Variants in LPAR1 observed in about 807,000 individuals in gnomAD.
LPAR1 encodes the protein LPA receptor 1.
In LPAR1, 5 loss-of-function variants were observed where a neutral mutation model predicts 23.8. The ratio of observed to expected loss-of-function variants is 0.21; its 90% CI spans 0.11 to 0.44. The LOEUF (loss-of-function observed/expected upper bound fraction) is 0.44, where lower values mean the gene tolerates loss of function less well. Ranked by LOEUF, LPAR1 falls within the 20% of genes least tolerant of loss-of-function variation. The probability of loss-of-function intolerance (pLI) is 0.99; values close to 1 mark genes in which losing one functional copy is unlikely to be tolerated. For missense variants in LPAR1, 311 were observed against 482.8 expected (o/e 0.64, Z 3.33); for synonymous variants, 160 against 164.7 (o/e 0.97, Z 0.22).
chr9:110,895,898 A>G (rs1409234529), intron 5 of LPAR1, among the ~76,000 whole-genome samples: 1 of 152,228 alleles, frequency 6.6e-6, no homozygotes, highest in African/African-American at 2.4e-5. Flanking sequence ...GAAGAATGGA[A>G]AGACAGCCTT....
chr9:111,015,776 T>A (rs1026694100), intron 2 of LPAR1, among the ~76,000 whole-genome samples: 8 of 152,060 alleles, frequency 5.3e-5, no homozygotes, highest in African/African-American at 1.9e-4. Context: ...ATAAATAACT[T>A]TTTTTAAAAA....
chr9:110,882,598 C>A (rs747018208), intron 5 of LPAR1, among the ~76,000 whole-genome samples: 2 of 152,088 alleles, frequency 1.3e-5, no homozygotes, highest in Non-Finnish European at 2.9e-5. Flanking sequence ...ACCTGTATTA[C>A]CTGGCCAAAT....
At chr9:111,037,253 A>G (rs1217776462) in intron 1 of LPAR1, among the ~76,000 whole-genome samples, 1 of 152,192 alleles carries the variant, frequency 6.6e-6, no homozygotes, top group Non-Finnish European at 1.5e-5. Context: ...ACCAATATCT[A>G]TCTAACCCCA....
At chr9:110,984,241 C>T (rs1778101334) in intron 2 of LPAR1, among the ~76,000 whole-genome samples, 1 of 151,804 alleles carries the variant, frequency 6.6e-6, no homozygotes, top group Non-Finnish European at 1.5e-5. Context: ...TTAACCAACC[C>T]ACCTTCCTAG....
chr9:110,897,801 A>G (rs555819356), intron 5 of LPAR1, among the ~76,000 whole-genome samples: 10 of 141,770 alleles, frequency 7.1e-5, no homozygotes, highest in Non-Finnish European at 1.3e-4. Flanking sequence ...AGACTAAAAT[A>G]AGGCCTTTGA....
chr9:110,883,576 G>A (rs1280234041), intron 5 of LPAR1, among the ~76,000 whole-genome samples: 5 of 152,154 alleles, frequency 3.3e-5, no homozygotes, highest in Admixed American at 3.3e-4. Flanking sequence ...GCCCAAACAT[G>A]TGACTAGATA....
At chr9:111,016,372 A>G (rs1409244855) in intron 2 of LPAR1, among the ~76,000 whole-genome samples, 1 of 152,222 alleles carries the variant, frequency 6.6e-6, no homozygotes, top group Non-Finnish European at 1.5e-5. Flanking sequence ...AGGAACAATC[A>G]TAATGCCCAC....
intron 2 of LPAR1, among the ~76,000 whole-genome samples, chr9:111,035,082 TC>T (rs1588971376): frequency 6.6e-6 from 1 of 151,948 alleles, no homozygotes; most frequent in African/African-American, 2.4e-5. Flanking sequence ...ACTGCATCTT[TC>T]CCCCCTGTGT....
rs979280954 is a variant in LPAR1 at position 111,036,169 on chromosome 9, T to G, written c.-229A>C. On this transcript the variant is annotated 5_prime_UTR_variant, in exon 2 of 6. Coordinates refer to ENST00000683809, the MANE Select transcript of LPAR1 (RefSeq NM_001351411.2). Reference sequence around the variant, plus strand: ...CTCACAGGGAGACTGAAATCCATGCTGAGTGCCCACAGACCTGGGCAGGAG... The same window carrying G: ...CTCACAGGGAGACTGAAATCCATGCGGAGTGCCCACAGACCTGGGCAGGAG... The G allele has an allele frequency of 2.6e-5, 4 of 152,214 alleles. No homozygotes were observed. The highest frequency in any genetic ancestry group is 9.6e-5 in the African/African-American group (4 of 41,456). The allele number at this position is 152,214 out of a possible 1,614,324, so 9.4% of individuals were successfully genotyped here.
At chr9:110,910,436 C>T (rs1435715009) in intron 5 of LPAR1, among the ~76,000 whole-genome samples, 1 of 152,134 alleles carries the variant, frequency 6.6e-6, no homozygotes, top group Non-Finnish European at 1.5e-5. Flanking sequence ...GACAATGTAC[C>T]TAGTCGCCTA....
chr9:110,960,366 A>G (rs12350234), intron 4 of LPAR1, among the ~76,000 whole-genome samples: 56,245 of 152,028 alleles, frequency 0.37, 11,298 homozygotes, highest in Non-Finnish European at 0.45. Flanking sequence ...AGCCTACTAT[A>G]TATTTTTTAT....
At chr9:111,013,728 C>T (rs2097380021) in intron 2 of LPAR1, among the ~76,000 whole-genome samples, 1 of 152,070 alleles carries the variant, frequency 6.6e-6, no homozygotes, top group African/African-American at 2.4e-5. Flanking sequence ...AAAACAATGA[C>T]ATTTTGTTAA....
chr9:110,980,582 A>G (rs574576348), intron 2 of LPAR1, among the ~76,000 whole-genome samples: 2 of 151,914 alleles, frequency 1.3e-5, no homozygotes, highest in African/African-American at 4.8e-5. Flanking sequence ...TTGATCCCAC[A>G]GAAGTAGAGA....
chr9:110,988,800 CT>C (rs2096840866), intron 2 of LPAR1, among the ~76,000 whole-genome samples: 1 of 152,178 alleles, frequency 6.6e-6, no homozygotes, highest in South Asian at 2.1e-4. Context: ...CCCAAAAGAA[CT>C]GAAAATATAT....
At chr9:110,919,946 G>T (rs1034761172) in intron 5 of LPAR1, among the ~76,000 whole-genome samples, 5 of 152,164 alleles carry the variant, frequency 3.3e-5, no homozygotes, top group Non-Finnish European at 5.9e-5. Flanking sequence ...GTACGTAGTT[G>T]TTCTCCCTTC....
intron 5 of LPAR1, among the ~76,000 whole-genome samples, chr9:110,940,102 C>T (rs951438555): frequency 6.6e-6 from 1 of 152,154 alleles, no homozygotes; most frequent in Non-Finnish European, 1.5e-5. Flanking sequence ...AATCTCATAT[C>T]TGAGGTGATG....
chr9:110,956,837 C>A (rs2095774073), intron 4 of LPAR1, among the ~76,000 whole-genome samples: 1 of 152,182 alleles, frequency 6.6e-6, no homozygotes, highest in African/African-American at 2.4e-5. Flanking sequence ...AATGACTTCA[C>A]TGCCAAATTC....
At chr9:110,999,419 C>T (rs763891039) in intron 2 of LPAR1, 22 of 456,020 alleles carry the variant, frequency 4.8e-5, no homozygotes, top group African/African-American at 3.8e-4. Context: ...CTGGAATGAG[C>T]AGGAATGAGT....
chr9:110,901,068 G>C (rs990097536), intron 5 of LPAR1, among the ~76,000 whole-genome samples: 1 of 152,204 alleles, frequency 6.6e-6, no homozygotes, highest in African/African-American at 2.4e-5. Flanking sequence ...TGAGATGGGG[G>C]CGGATGAGTA....
Sources: allele counts gnomAD v4.1 joint callset (sites outside exome capture counted in the v4.1 genomes callset), GRCh38; gene constraint gnomAD v4.1.1; transcripts MANE v1.5; gene names NCBI Gene and HGNC (gene_info 2026-07-23, HGNC 2026-07-21).